ABCA13: variants seen among roughly 807,000 people sequenced by gnomAD.
ABCA13 encodes ATP-binding cassette sub-family A member 13.
In ABCA13, 476 loss-of-function variants were observed where a neutral mutation model predicts 478.7. The ratio of observed to expected loss-of-function variants is 0.99; its 90% CI spans 0.92 to 1.07. ABCA13 has a LOEUF of 1.07. Ranked by LOEUF, ABCA13 falls within the 50% of genes least tolerant of loss-of-function variation. The probability of loss-of-function intolerance (pLI) is 0.00; values close to 1 mark genes in which losing one functional copy is unlikely to be tolerated. For synonymous variants in ABCA13, 2,252 were observed against 2,158.9 expected (o/e 1.04, Z -1.20); for missense variants, 6,060 against 5,910.6 (o/e 1.03, Z -0.83).
chr7:48,261,681 G>C (rs1269277642), intron 15 of ABCA13, among the ~76,000 whole-genome samples: 1 of 150,886 alleles, frequency 6.6e-6, no homozygotes, highest in African/African-American at 2.4e-5. Flanking sequence ...TAGTTTTTTT[G>C]TTCTTGTTGC....
chr7:48,553,348 C>T (rs1785500799), intron 55 of ABCA13, among the ~76,000 whole-genome samples: 2 of 151,958 alleles, frequency 1.3e-5, no homozygotes, highest in Admixed American at 6.6e-5. Flanking sequence ...ATTGCTAGGT[C>T]CTTTGGTAGC....
At chr7:48,364,164 C>T (rs1040479650) in intron 31 of ABCA13, among the ~76,000 whole-genome samples, 1 of 152,136 alleles carries the variant, frequency 6.6e-6, no homozygotes, top group Non-Finnish European at 1.5e-5. Flanking sequence ...TTTCCATTGC[C>T]ACAAAGATAG....
chr7:48,399,982 G>A (rs928815566), intron 38 of ABCA13, among the ~76,000 whole-genome samples: 34 of 152,120 alleles, frequency 2.2e-4, no homozygotes, highest in African/African-American at 8.2e-4. Flanking sequence ...TTCAAGGACA[G>A]AATCTCTTTG....
chr7:48,245,837 C>G, intron 12 of ABCA13, 26 bp from the exon 13 acceptor site: 8 of 1,593,492 alleles, frequency 5.0e-6, no homozygotes, highest in Non-Finnish European at 6.8e-6. Context: ...AAATGTTACT[C>G]CTTCCCACTC....
chr7:48,295,879 C>T lies in ABCA13; in HGVS notation c.9119+16C>T. 2 of 1,584,862 alleles carry T rather than the reference C, an allele frequency of 1.3e-6. No homozygotes were observed. The highest frequency in any genetic ancestry group is 2.3e-5 in the South Asian group (2 of 86,496). ...ACTTGTACATGTATGCTCTGATATTCTTTCATGCCCTCCCCAGTACTTCCA... is the reference window on the plus strand; with the variant it reads ...ACTTGTACATGTATGCTCTGATATTTTTTCATGCCCTCCCCAGTACTTCCA... On this transcript the variant is annotated intron_variant, in intron 21 of 61. Coordinates refer to ENST00000435803, the MANE Select transcript of ABCA13 (RefSeq NM_152701.5).
intron 58 of ABCA13, among the ~76,000 whole-genome samples, chr7:48,597,983 C>A (rs1182656552): frequency 6.6e-6 from 1 of 152,104 alleles, no homozygotes; most frequent in African/African-American, 2.4e-5. Flanking sequence ...ACATAGGGTT[C>A]TCTCTTGATG....
At chr7:48,404,998 G>C (rs181035488) in intron 39 of ABCA13, among the ~76,000 whole-genome samples, 1 of 152,224 alleles carries the variant, frequency 6.6e-6, no homozygotes, top group Admixed American at 6.5e-5. Context: ...CCACATCTGC[G>C]GTGCTGGCTC....
chr7:48,416,188 C>T (rs1819951803), intron 41 of ABCA13, among the ~76,000 whole-genome samples: 1 of 152,116 alleles, frequency 6.6e-6, no homozygotes, highest in African/African-American at 2.4e-5. Context: ...CTAGATAAAT[C>T]AATGTAAAAA....
intron 57 of ABCA13, among the ~76,000 whole-genome samples, chr7:48,588,530 G>T (rs12670570): frequency 0.1 from 15,875 of 152,164 alleles, 966 homozygotes; most frequent in East Asian, 0.18. Flanking sequence ...ACCTGTGACA[G>T]AGTGGTCAAG....
At chr7:48,225,144 C>CCTTCCTTCCTTT (rs1294601735) in intron 5 of ABCA13, among the ~76,000 whole-genome samples, 67 of 136,408 alleles carry the variant, frequency 4.9e-4, no homozygotes, top group African/African-American at 1.8e-3. Flanking sequence ...TGCCTTCCTT[C>CCTTCCTTCCTTT]CTTCCTTCCT....
chr7:48,419,562 T>G (rs184341639), intron 41 of ABCA13, among the ~76,000 whole-genome samples: 3 of 152,266 alleles, frequency 2.0e-5, no homozygotes, highest in African/African-American at 7.2e-5. Flanking sequence ...CCTCTGCAAT[T>G]TTTTAAATCC....
intron 59 of ABCA13, among the ~76,000 whole-genome samples, chr7:48,623,541 A>G (rs1793360737): frequency 6.6e-6 from 1 of 152,200 alleles, no homozygotes; most frequent in South Asian, 2.1e-4. Flanking sequence ...TATTTGTAGT[A>G]AGAATCCAGA....
At chr7:48,404,246 A>C (rs1040951778) in intron 39 of ABCA13, 3 of 286,050 alleles carry the variant, frequency 1.0e-5, no homozygotes, top group Non-Finnish European at 1.4e-5. Context: ...GAAGGCTCAG[A>C]GAGACGGGCA....
chr7:48,350,924 A>G (rs1406319498), intron 30 of ABCA13, 105 bp downstream of exon 30: 2 of 1,173,082 alleles, frequency 1.7e-6, no homozygotes, highest in East Asian at 2.6e-5. Flanking sequence ...CAGAAAGAAA[A>G]GAAGTCCTTT....
chr7:48,326,516 G>T (rs567875391), intron 27 of ABCA13, among the ~76,000 whole-genome samples: 5 of 152,134 alleles, frequency 3.3e-5, no homozygotes, highest in African/African-American at 9.7e-5. Context: ...TCCTGACACC[G>T]CTAAGAGCTA....
intron 42 of ABCA13, among the ~76,000 whole-genome samples, chr7:48,433,925 T>C (rs995886568): frequency 6.6e-6 from 1 of 152,130 alleles, no homozygotes; most frequent in South Asian, 2.1e-4. Flanking sequence ...TATCTGTTGA[T>C]GGACATTTGT....
intron 27 of ABCA13, among the ~76,000 whole-genome samples, chr7:48,317,949 T>A (rs536578933): frequency 2.8e-4 from 42 of 152,200 alleles, no homozygotes; most frequent in Non-Finnish European, 2.9e-5. Flanking sequence ...TGTATTTTCC[T>A]GGAGTCTTTT....
chr7:48,239,206 C>G, intron 8 of ABCA13, 35 bp from the exon 9 acceptor site: 1 of 1,609,504 alleles, frequency 6.2e-7, no homozygotes, highest in Middle Eastern at 1.7e-4. Flanking sequence ...AGGAAAGGAG[C>G]TTTATGTCTA....
At chr7:48,358,568 T>C (rs765836937) in intron 31 of ABCA13, among the ~76,000 whole-genome samples, 37 of 151,994 alleles carry the variant, frequency 2.4e-4, no homozygotes, top group Non-Finnish European at 1.0e-4. Flanking sequence ...CATATAGTTA[T>C]TCCTCTATTC....
Sources: allele counts gnomAD v4.1 joint callset (sites outside exome capture counted in the v4.1 genomes callset), GRCh38; gene constraint gnomAD v4.1.1; transcripts MANE v1.5; gene names NCBI Gene and HGNC (gene_info 2026-07-23, HGNC 2026-07-21).